The following FRAS1 variants were observed in gnomAD, a reference collection of about 807,000 sequenced individuals.
The protein encoded by FRAS1 is extracellular matrix organizing protein FRAS1.
A neutral mutation model predicts 435.2 loss-of-function variants in FRAS1; 290 were observed. The ratio of observed to expected loss-of-function variants is 0.67; its 90% CI spans 0.61 to 0.73. The LOEUF is 0.73. Ranked by LOEUF, FRAS1 falls within the 30% of genes least tolerant of loss-of-function variation. The pLI is 0.00. For missense variants in FRAS1, 4,860 were observed against 5,001.5 expected, an observed-to-expected ratio of 0.97 and a Z score of 0.85; for synonymous variants, 1,800 against 1,851.0, an observed-to-expected ratio of 0.97 and a Z score of 0.71.
intron 2 of FRAS1, among the ~76,000 whole-genome samples, chr4:78,189,730 T>G (rs1722447351): frequency 6.6e-6 from 1 of 152,242 alleles, no homozygotes; most frequent in African/African-American, 2.4e-5. Context: ...GGCAAGTCTC[T>G]ATTTTACTTC....
rs377733347 is a variant in FRAS1 at position 78,331,899 on chromosome 4, GAA to G, written c.2138-1370_2138-1369del. Among the ~76,000 whole-genome samples, 451 of 152,304 alleles carry G rather than the reference GAA, an allele frequency of 3.0e-3. 1 individual carries two copies. The highest frequency in any genetic ancestry group is 0.011 in the African/African-American group (439 of 41,558). On this transcript the variant is annotated intron_variant, in intron 18 of 73. Transcript: ENST00000512123. ...AGAAGATCAGGAGACTGTTGCCATT[GAA>G]AAGTTTGTTACAGCTTCGAAGAGGA...
chr4:78,463,777 A>G (rs1719440548), intron 47 of FRAS1, among the ~76,000 whole-genome samples: 1 of 152,248 alleles, frequency 6.6e-6, no homozygotes, highest in Non-Finnish European at 1.5e-5. Flanking sequence ...ACATTGATTG[A>G]ACACCTGCTG....
chr4:78,200,149 T>A (rs1420863151), intron 2 of FRAS1, among the ~76,000 whole-genome samples: 1 of 152,200 alleles, frequency 6.6e-6, no homozygotes, highest in East Asian at 1.9e-4. Flanking sequence ...GTCATGTGGA[T>A]CTGATACTGG....
chr4:78,061,047 A>G (rs907787506), intron 1 of FRAS1, among the ~76,000 whole-genome samples: 1 of 152,100 alleles, frequency 6.6e-6, no homozygotes, highest in African/African-American at 2.4e-5. Context: ...GAGTTTCACC[A>G]TGTTGGCCAG....
intron 65 of FRAS1, among the ~76,000 whole-genome samples, chr4:78,515,323 CTT>C (rs78491600): frequency 0.28 from 38,618 of 136,172 alleles, 5,276 homozygotes; most frequent in South Asian, 0.53. Flanking sequence ...GGTATGCTGG[CTT>C]TTTTTTTTTT....
chr4:78,189,829 A>G (rs1722452176), intron 2 of FRAS1, among the ~76,000 whole-genome samples: 2 of 152,230 alleles, frequency 1.3e-5, no homozygotes, highest in Admixed American at 6.5e-5. Context: ...ATTTCTTCCA[A>G]TTTCCCTTTA....
chr4:78,338,850 G>T (rs1355280296), intron 20 of FRAS1, among the ~76,000 whole-genome samples: 1 of 152,218 alleles, frequency 6.6e-6, no homozygotes, highest in African/African-American at 2.4e-5. Flanking sequence ...GTGGCTGGTG[G>T]TGCCATGGTC....
In FRAS1 at chr4:78,077,197, A is replaced by AACACACACACAC. The variant is rs10535451; in HGVS notation, c.108+11193_108+11204dup. ...AAGATTCCATCTCCAGACACACAGA[A>AACACACACACAC]ACACACACACACACACACACACATT... On this transcript the variant is annotated intron_variant, in intron 2 of 73. Transcript: ENST00000512123. 7.1e-4 allele frequency among the ~76,000 whole-genome samples: 106 copies of AACACACACACAC among 150,048 alleles called. 1 individual carries two copies. The highest frequency in any genetic ancestry group is 2.4e-3 in the African/African-American group (96 of 40,812).
intron 29 of FRAS1, among the ~76,000 whole-genome samples, chr4:78,391,472 A>G (rs969302518): frequency 6.6e-6 from 1 of 152,230 alleles, no homozygotes; most frequent in African/African-American, 2.4e-5. Context: ...AAGCAATTTG[A>G]CATTTAATGA....
intron 29 of FRAS1, among the ~76,000 whole-genome samples, chr4:78,398,389 A>C (rs1230401633): frequency 6.6e-6 from 1 of 152,222 alleles, no homozygotes; most frequent in Non-Finnish European, 1.5e-5. Context: ...TGAGAATCTG[A>C]ACATCTTAAT....
intron 18 of FRAS1, among the ~76,000 whole-genome samples, chr4:78,329,687 C>G (rs758109076): frequency 6.6e-6 from 1 of 152,218 alleles, no homozygotes; most frequent in Non-Finnish European, 1.5e-5. Context: ...TCTGTATCAC[C>G]TATTCCTATA....
Position 78,400,823 on chromosome 4 carries a change from C to G in FRAS1, c.4065C>G (p.Ala1355=), listed in dbSNP as rs371350147. Residue 1355 remains alanine, a synonymous_variant, in exon 30 of 74, where the codon GCC becomes GCG. Coordinates refer to ENST00000512123, the MANE Select transcript of FRAS1 (RefSeq NM_025074.7). The stretch of plus-strand genomic sequence containing the variant: ...AGATCACCAACAGAATCTTACAGGC[C>G]GAGGCTCCTGGTGCCAGTGCTGAAG... ...MLQITNRILQ[A]EAPGASAEEI... 1 of 1,613,498 alleles carries G rather than the reference C, an allele frequency of 6.2e-7. No individual in the cohort carries two copies. Among genetic ancestry groups the G allele is most frequent in the Non-Finnish European group, 8.5e-7 (1 of 1,179,732 alleles).
intron 47 of FRAS1, among the ~76,000 whole-genome samples, chr4:78,460,467 G>T (rs1228037659): frequency 2.0e-5 from 3 of 152,206 alleles, no homozygotes; most frequent in Non-Finnish European, 4.4e-5. Context: ...CACCTTGCTG[G>T]CAAATGAGCA....
intron 1 of FRAS1, among the ~76,000 whole-genome samples, chr4:78,060,621 T>A (rs1312537536): frequency 3.3e-5 from 5 of 152,196 alleles, no homozygotes; most frequent in African/African-American, 4.8e-5. Context: ...CAAATTATAT[T>A]ATTTTGAATT....
chr4:78,215,810 T>C (rs537555673), intron 2 of FRAS1, among the ~76,000 whole-genome samples: 2 of 152,360 alleles, frequency 1.3e-5, no homozygotes, highest in African/African-American at 4.8e-5. Flanking sequence ...TGATTGATAT[T>C]CCATTGTATG....
intron 2 of FRAS1, among the ~76,000 whole-genome samples, chr4:78,118,383 A>C (rs1258668702): frequency 6.6e-6 from 1 of 152,186 alleles, no homozygotes; most frequent in African/African-American, 2.4e-5. Flanking sequence ...TTAAGTCTGC[A>C]GAGGTGCTGC....
intron 67 of FRAS1, among the ~76,000 whole-genome samples, chr4:78,520,318 C>T (rs1209305642): frequency 1.3e-5 from 2 of 151,624 alleles, no homozygotes; most frequent in African/African-American, 2.4e-5. Context: ...AACCTATTTC[C>T]CCAAACCCAT....
At position 78,475,489 on chromosome 4, in the gene FRAS1, T is replaced by G; in HGVS notation, c.7734T>G (p.Thr2578=). Residue 2578 remains threonine (T), a synonymous_variant, in exon 54 of 74, where the codon ACT becomes ACG. Transcript: ENST00000512123. ...CTGTCAGTGTCACGGTGCAGAGGAC[T>G]GGGAACCTGAACCAATATGCCATCG... is the stretch of plus-strand genomic sequence containing the variant. The part of the protein sequence containing the change: ...AGSVSVTVQR[T]GNLNQYAIVL... The G allele has an allele frequency of 6.2e-7, 1 of 1,613,932 alleles. No individual in the cohort carries two copies. Among genetic ancestry groups the G allele is most frequent in the South Asian group, 1.1e-5 (1 of 91,080 alleles).
intron 2 of FRAS1, among the ~76,000 whole-genome samples, chr4:78,114,778 G>T (rs540177755): frequency 6.6e-6 from 1 of 152,226 alleles, no homozygotes; most frequent in South Asian, 2.1e-4. Context: ...CTGCAAACAG[G>T]GACAATGTGA....
Sources: gnomAD v4.1 joint callset for allele counts (sites outside exome capture counted in the v4.1 genomes callset) on GRCh38, gnomAD v4.1.1 for gene constraint, MANE v1.5 for transcripts, NCBI Gene and HGNC (gene_info 2026-07-23, HGNC 2026-07-21) for gene names.